The following UBE2Q2 variants were observed in gnomAD, a reference collection of about 807,000 sequenced individuals.
The protein encoded by UBE2Q2 is ubiquitin conjugating enzyme E2 Q2.
Under a neutral mutation model 59.9 loss-of-function variants are expected in UBE2Q2, and 54 were observed. That is an observed-to-expected ratio of 0.90 (90% CI 0.72 to 1.13). UBE2Q2 has a LOEUF of 1.13. UBE2Q2 is among the 50% of genes most tolerant of loss of function. The pLI, the probability that UBE2Q2 is intolerant of heterozygous loss-of-function variation, is 0.00. For missense variants in UBE2Q2, 433 were observed against 441.9 expected (o/e 0.98, Z 0.18); for synonymous variants, 165 against 155.2 (o/e 1.06, Z -0.47).
At chr15:75,857,860 C>T (rs1366642873) in intron 2 of UBE2Q2, among the ~76,000 whole-genome samples, 1 of 151,174 alleles carries the variant, frequency 6.6e-6, no homozygotes, top group African/African-American at 2.4e-5. Context: ...TATAATTGGC[C>T]CCTTTAGTAT....
Position 75,856,856 on chromosome 15 carries a change from G to A in UBE2Q2, c.282+2369G>A, listed in dbSNP as rs529370292. 4.0e-5 allele frequency among the ~76,000 whole-genome samples: 6 copies of A among 151,762 alleles called. No individual in the cohort carries two copies. In the South Asian group the frequency reaches 1.2e-3, roughly 32 times the overall value. ...CTACTTGGAGGCTGAGGCAGGAGAA[G>A]TGCTTCAACCTGGGAGGCAGGTTGC... On this transcript the variant is annotated intron_variant, in intron 2 of 12. Transcript: ENST00000267938.
chr15:75,852,856 A>G (rs780048602), intron 1 of UBE2Q2, among the ~76,000 whole-genome samples: 18 of 152,248 alleles, frequency 1.2e-4, no homozygotes, highest in Non-Finnish European at 2.2e-4. Flanking sequence ...GACCAGGTAT[A>G]CTATTAATGA....
chr15:75,876,333 A>G, intron 6 of UBE2Q2, 62 bp downstream of exon 6: 1 of 1,410,520 alleles, frequency 7.1e-7, no homozygotes. Context: ...TTGTCAGATT[A>G]TAAATGTCAT....
rs779964598 is a variant in UBE2Q2, at chr15:75,854,391, C to T, written c.186C>T (p.Ser62=). The change falls in exon 2 of 13, where the codon TCC becomes TCT. Residue 62 remains serine, a synonymous_variant. Transcript: ENST00000267938. The part of the protein sequence containing the change: ...PLTLHCNITE[S]YPSSSPIWFV... ...TGTGTCTCTGTGTTAAACAGGAATC[C>T]TATCCATCTTCTTCACCGATATGGT... 6.8e-6 allele frequency: 11 copies of T among 1,611,088 alleles called. No individual in the cohort carries two copies. The highest frequency in any genetic ancestry group is 6.7e-5 in the Admixed American group (4 of 59,646).
chr15:75,859,929 C>T lies in UBE2Q2; in HGVS notation c.334C>T (p.Leu112Phe). ...LICELCSLYN[L>F]PKHLDVEMLD... ...ATGTGAACTCTGCAGTTTATATAAC[C>T]TTCCTAAGCACCTGGATGTTGAGAT... Residue 112 changes from leucine to phenylalanine, a missense_variant, in exon 3 of 13, where the codon CTT (leucine) becomes TTT (phenylalanine). By Grantham distance (22) the Leu-to-Phe change is conservative. Coordinates refer to ENST00000267938, the MANE Select transcript of UBE2Q2 (RefSeq NM_173469.4). 6.2e-7 allele frequency: 1 copy of T among 1,603,638 alleles called. No homozygotes were observed. The highest frequency in any genetic ancestry group is 8.5e-7 in the Non-Finnish European group (1 of 1,177,020).
At chr15:75,890,515 C>T in intron 10 of UBE2Q2, 32 bp downstream of exon 10, 1 of 1,591,016 alleles carries the variant, frequency 6.3e-7, no homozygotes, top group Non-Finnish European at 8.6e-7. Context: ...CATTTTCACC[C>T]ACAATTTAGT....
chr15:75,862,645 A>G (rs1430889446), intron 3 of UBE2Q2, among the ~76,000 whole-genome samples: 3 of 151,464 alleles, frequency 2.0e-5, no homozygotes, highest in Non-Finnish European at 4.4e-5. Context: ...TTGAGACCCC[A>G]TCTTTACAAA....
rs765390586 is a variant in UBE2Q2 at position 75,843,804 on chromosome 15, G to A, written c.138G>A (p.Pro46=). ...TCCTGGTGCCGCAGCAGGGCAGCCC[G>A]CACTCGCTGCCGCCGCCACTCACGC... ...CQFLVPQQGS[P]HSLPPPLTLH... is the part of the protein sequence containing the mutation. The change falls in exon 1 of 13, where the codon CCG becomes CCA. Residue 46 remains proline (P), a synonymous_variant. Transcript: ENST00000267938. The A allele has an allele frequency of 1.9e-6, 3 of 1,602,254 alleles. No individual in the cohort carries two copies. The highest frequency in any genetic ancestry group is 1.7e-5 in the Admixed American group (1 of 59,014).
At chr15:75,868,449 T>G (rs1180952230) in intron 3 of UBE2Q2, among the ~76,000 whole-genome samples, 1 of 152,222 alleles carries the variant, frequency 6.6e-6, no homozygotes, top group Non-Finnish European at 1.5e-5. Flanking sequence ...GGTAATCATT[T>G]CATAATTCTT....
intron 1 of UBE2Q2, among the ~76,000 whole-genome samples, chr15:75,845,224 C>T (rs1443414256): frequency 6.6e-6 from 1 of 152,120 alleles, no homozygotes; most frequent in East Asian, 1.9e-4. Flanking sequence ...TAGAGATGAG[C>T]TTCCACAGGT....
chr15:75,866,698 T>C (rs1245029650), intron 3 of UBE2Q2, among the ~76,000 whole-genome samples: 1 of 152,306 alleles, frequency 6.6e-6, no homozygotes, highest in Non-Finnish European at 1.5e-5. Flanking sequence ...CTGTTTGTTT[T>C]TCTTAATCAT....
rs1366141578 is a variant in UBE2Q2 at position 75,878,303 on chromosome 15, A to G, written c.734+282A>G. On this transcript the variant is annotated intron_variant, in intron 7 of 12. Transcript: ENST00000267938. ...AAACAAAAGTGTATTTAATAACTTC[A>G]TGAGACTGTGATAACCAGTTTATAT... 7 of 371,854 alleles carry G rather than the reference A, an allele frequency of 1.9e-5. No homozygotes were observed. In the East Asian group the frequency reaches 3.3e-4, roughly 17 times the overall value. The allele number at this position is 371,854 out of a possible 1,614,324, so 23.0% of individuals were successfully genotyped here. A position where few individuals can be genotyped will look rare whatever the true frequency, so the allele number is the denominator to read the frequency against.
Position 75,876,180 on chromosome 15 carries a change from GT to G in UBE2Q2, c.589-4del. The G allele has an allele frequency of 6.2e-7, 1 of 1,613,486 alleles. No homozygotes were observed. Among genetic ancestry groups the G allele is most frequent in the Middle Eastern group, 1.7e-4 (1 of 6,058 alleles). ...GACCCTGGTAAACAGTGGCTTTTGTGTTTCAGGGTGCAGTGTCTGGGTCAGT... is the reference window on the plus strand; with the variant it reads ...GACCCTGGTAAACAGTGGCTTTTGTGTTCAGGGTGCAGTGTCTGGGTCAGT... On this transcript the variant is annotated splice_region_variant and splice_polypyrimidine_tract_variant and intron_variant, in intron 5 of 12. Transcript: ENST00000267938.
At chr15:75,857,092 T>TTCTC (rs1417960112) in intron 2 of UBE2Q2, among the ~76,000 whole-genome samples, 2 of 151,844 alleles carry the variant, frequency 1.3e-5, no homozygotes, top group African/African-American at 4.8e-5. Flanking sequence ...AAGACCCTCT[T>TTCTC]TCTCTCTCTC....
At chr15:75,867,500 G>A (rs1897564102) in intron 3 of UBE2Q2, among the ~76,000 whole-genome samples, 1 of 152,174 alleles carries the variant, frequency 6.6e-6, no homozygotes, top group African/African-American at 2.4e-5. Flanking sequence ...TACTGCGGCA[G>A]ACCTACTCTT....
intron 10 of UBE2Q2, among the ~76,000 whole-genome samples, 174 bp from the exon 11 acceptor site, chr15:75,890,740 ATTGGT>A (rs1045123788): frequency 6.6e-6 from 1 of 152,114 alleles, no homozygotes; most frequent in African/African-American, 2.4e-5. Flanking sequence ...CACTTAGAAC[ATTGGT>A]TTGTTGTTTT....
At chr15:75,893,286 A>T (rs2141673256) in intron 11 of UBE2Q2, among the ~76,000 whole-genome samples, 1 of 152,374 alleles carries the variant, frequency 6.6e-6, no homozygotes, top group African/African-American at 2.4e-5. Context: ...AAGATATGCC[A>T]GTATACATTA....
intron 9 of UBE2Q2, among the ~76,000 whole-genome samples, chr15:75,884,094 G>A (rs894939897): frequency 1.3e-5 from 2 of 152,130 alleles, no homozygotes; most frequent in African/African-American, 2.4e-5. Context: ...TAATTGTATT[G>A]CTTCTTTTTA....
intron 3 of UBE2Q2, 68 bp from the exon 4 acceptor site, chr15:75,868,883 T>A: frequency 7.2e-7 from 1 of 1,384,862 alleles, no homozygotes; most frequent in Non-Finnish European, 1.0e-6. Context: ...GTGGCACCAG[T>A]CTTCTAATGT....
Sources: allele counts gnomAD v4.1 joint callset (sites outside exome capture counted in the v4.1 genomes callset), GRCh38; gene constraint gnomAD v4.1.1; transcripts MANE v1.5; gene names NCBI Gene and HGNC (gene_info 2026-07-23, HGNC 2026-07-21).